CSNK1E: variants seen among roughly 807,000 people sequenced by gnomAD.
CSNK1E encodes casein kinase 1 epsilon, also known as casein kinase I isoform epsilon.
Under a neutral mutation model 46.1 loss-of-function variants are expected in CSNK1E, and 17 were observed. That is an observed-to-expected ratio of 0.37 (90% CI 0.25 to 0.55). The LOEUF (loss-of-function observed/expected upper bound fraction) is 0.55. Among genes scored for constraint, CSNK1E ranks in the 20% least tolerant of loss-of-function variants. CSNK1E has a pLI of 0.82. For synonymous variants in CSNK1E, 241 were observed against 242.6 expected (o/e 0.99, Z 0.06); for missense variants, 386 against 595.4 (o/e 0.65, Z 3.66).
chr22:38,295,315 G>T, intron 7 of CSNK1E: 1 of 594,604 alleles, frequency 1.7e-6, no homozygotes, highest in Non-Finnish European at 2.1e-6. Flanking sequence ...AGCCACTGCC[G>T]CCCCTGGTGC....
chr22:38,315,328 C>G (rs1322495892), intron 1 of CSNK1E, among the ~76,000 whole-genome samples: 2 of 152,254 alleles, frequency 1.3e-5, no homozygotes, highest in African/African-American at 4.8e-5. Context: ...GGACAGTGGG[C>G]AGATCCCAGG....
At chr22:38,306,663 A>G (rs892293195) in intron 2 of CSNK1E, among the ~76,000 whole-genome samples, 4 of 151,790 alleles carry the variant, frequency 2.6e-5, no homozygotes, top group African/African-American at 9.7e-5. Context: ...CCCAGGAGGC[A>G]GAGGTTGCAG....
At chr22:38,316,648 A>G (rs1359424104) in intron 1 of CSNK1E, 1 of 152,202 alleles carries the variant, frequency 6.6e-6, no homozygotes, top group Non-Finnish European at 1.5e-5. Flanking sequence ...TGGCCTGGTG[A>G]CCACACACCT....
intron 1 of CSNK1E, among the ~76,000 whole-genome samples, chr22:38,315,662 C>CA (rs905196571): frequency 2.0e-5 from 3 of 151,458 alleles, no homozygotes; most frequent in East Asian, 1.9e-4. Flanking sequence ...CAACCCCCCC[C>CA]CAACACCTCA....
rs1474798176 is a variant in CSNK1E at position 38,299,927 on chromosome 22, G to A, written c.704C>T (p.Thr235Met). ...GCCTTTGCAGAGGACCTCGATGGGC[G>A]TTGACATCTTCTTCTCGCTGATCCG... Reference protein sequence around the residue: ...YERISEKKMSTPIEVLCKGYP... With the variant: ...YERISEKKMSMPIEVLCKGYP... Residue 235 changes from threonine (T) to methionine (M), a missense_variant, in exon 6 of 11, where the codon ACG becomes ATG. Coordinates refer to ENST00000396832, the MANE Select transcript of CSNK1E (RefSeq NM_152221.3). 5 of 1,614,170 alleles carry A rather than the reference G, an allele frequency of 3.1e-6. No homozygotes were observed. Among genetic ancestry groups the A allele is most frequent in the South Asian group, 2.2e-5 (2 of 91,088 alleles).
rs1447180151 is a variant in CSNK1E, at chr22:38,309,342, C to G, written c.76+4740G>C. Among the ~76,000 whole-genome samples, 5 of 152,180 alleles carry G rather than the reference C, an allele frequency of 3.3e-5. No homozygotes were observed. Among genetic ancestry groups the G allele is most frequent in the Admixed American group, 3.3e-4 (5 of 15,282 alleles). The stretch of plus-strand genomic sequence containing the variant: ...CACTTTGGAGGCAGGGCCTGCAGCA[C>G]TTGGTGATTCGGCAGATGTGTGCAG... On this transcript the variant is annotated intron_variant, in intron 2 of 10. Transcript: ENST00000396832. This position sits in a 1 kb window ranked among gnomAD's most constrained non-coding sequence, Gnocchi z 4.8.
chr22:38,306,600 G>A (rs140228422), intron 2 of CSNK1E, among the ~76,000 whole-genome samples: 241 of 152,202 alleles, frequency 1.6e-3, no homozygotes, highest in African/African-American at 5.6e-3. Context: ...GCGTAGTGGC[G>A]CACGCCTGTA....
In CSNK1E at chr22:38,298,982, T is replaced by C. The variant is rs767802107; in HGVS notation, c.737-48A>G. On this transcript the variant is annotated intron_variant, in intron 6 of 10. Transcript: ENST00000396832. This position sits in a 1 kb window ranked among gnomAD's most constrained non-coding sequence, Gnocchi z 4.2. Reference sequence around the variant, plus strand: ...GAGAAGGCCACTGTGAGGCCCACGCTCCCAGACCCCCTGCAGCCAGCACTG... The same window carrying C: ...GAGAAGGCCACTGTGAGGCCCACGCCCCCAGACCCCCTGCAGCCAGCACTG... 1.2e-6 allele frequency: 2 copies of C among 1,608,746 alleles called. No homozygotes were observed. Among genetic ancestry groups the C allele is most frequent in the South Asian group, 2.2e-5 (2 of 90,886 alleles).
chr22:38,308,159 G>C (rs893290731), intron 2 of CSNK1E, among the ~76,000 whole-genome samples: 2 of 152,116 alleles, frequency 1.3e-5, no homozygotes, highest in African/African-American at 4.8e-5. Context: ...CATACAACGT[G>C]ATTTTTTGTG....
chr22:38,297,190 T>C, intron 7 of CSNK1E: 1 of 775,612 alleles, frequency 1.3e-6, no homozygotes, highest in South Asian at 1.4e-5. Flanking sequence ...GCAGTTGTGC[T>C]GAGCTGGAGG....
At chr22:38,314,695 G>A (rs747089148) in intron 1 of CSNK1E, among the ~76,000 whole-genome samples, 7 of 152,204 alleles carry the variant, frequency 4.6e-5, no homozygotes, top group Admixed American at 4.6e-4. Context: ...GCCCATAGCC[G>A]CTTGGATAAA....
chr22:38,304,984 C>T (rs2092691356), intron 2 of CSNK1E, among the ~76,000 whole-genome samples: 1 of 151,844 alleles, frequency 6.6e-6, no homozygotes, highest in Admixed American at 6.6e-5. Flanking sequence ...TAGCCGGGCG[C>T]AGTGGCAGGC....
rs932872955 is a variant in CSNK1E, at chr22:38,298,619, C to T, written c.885+167G>A. 3.7e-5 allele frequency: 28 copies of T among 748,340 alleles called. 1 individual carries two copies. The Middle Eastern group carries it at 1.2e-3, about 32-fold the overall frequency. 46.4% of individuals were successfully genotyped at this position (748,340 alleles called of 1,614,324 possible). ...CCCATGGTGGCACAAGCTGTCAGCACGGATGAGGCTGGAGGGCTCTGGGAC... is the reference window on the plus strand; with the variant it reads ...CCCATGGTGGCACAAGCTGTCAGCATGGATGAGGCTGGAGGGCTCTGGGAC... On this transcript the variant is annotated intron_variant, in intron 7 of 10. Transcript: ENST00000396832. This position sits in a 1 kb window ranked among gnomAD's most constrained non-coding sequence, Gnocchi z 4.2.
chr22:38,295,238 A>G, intron 7 of CSNK1E: 1 of 163,986 alleles, frequency 6.1e-6, no homozygotes, highest in Non-Finnish European at 1.3e-5. Context: ...CCACGGAGGA[A>G]GAAGAGGCCC....
chr22:38,316,333 C>A (rs182484626), intron 1 of CSNK1E, among the ~76,000 whole-genome samples: 4 of 152,296 alleles, frequency 2.6e-5, no homozygotes, highest in East Asian at 1.9e-4. Context: ...CAAACACAGG[C>A]ATTGCTTGGA....
rs918621356 is a variant in CSNK1E at position 38,298,509 on chromosome 22, T to C, written c.885+277A>G. 4 of 448,522 alleles carry C rather than the reference T, an allele frequency of 8.9e-6. No homozygotes were observed. The highest frequency in any genetic ancestry group is 4.2e-5 in the South Asian group (2 of 47,968). 27.8% of individuals were successfully genotyped at this position (448,522 alleles called of 1,614,324 possible). A position where few individuals can be genotyped will look rare whatever the true frequency, so the allele number is the denominator to read the frequency against. On this transcript the variant is annotated intron_variant, in intron 7 of 10. Coordinates refer to ENST00000396832, the MANE Select transcript of CSNK1E (RefSeq NM_152221.3). This position sits in a 1 kb window ranked among gnomAD's most constrained non-coding sequence, Gnocchi z 4.2. ...GGCGCCGCCAGCACCACCCATGCCC[T>C]GCTGCGGGCACCCAGGAGGGACCCC...
At chr22:38,297,264 A>G (rs1003153780) in intron 7 of CSNK1E, 20 of 671,560 alleles carry the variant, frequency 3.0e-5, no homozygotes, top group African/African-American at 2.7e-4. Context: ...CCAGTGCCCA[A>G]TGCCCTGTGG....
At chr22:38,302,820 C>A (rs776043145) in intron 4 of CSNK1E, 41 bp downstream of exon 4, 2 of 1,610,170 alleles carry the variant, frequency 1.2e-6, no homozygotes, top group African/African-American at 2.7e-5. Flanking sequence ...TATCCTGGGC[C>A]CACAGGCATC....
rs2145835400 is a variant in CSNK1E, at chr22:38,300,379, G to C, written c.566-314C>G. Among the ~76,000 whole-genome samples the C allele has an allele frequency of 6.6e-6, 1 of 152,338 alleles. No individual in the cohort carries two copies. The highest frequency in any genetic ancestry group is 1.9e-4 in the East Asian group (1 of 5,188). On this transcript the variant is annotated intron_variant, in intron 5 of 10. Transcript: ENST00000396832. This position sits in a 1 kb window ranked among gnomAD's most constrained non-coding sequence, Gnocchi z 4.4. ...GGAGAGGTCACAAGCTTCAGCATCA[G>C]ACAGGGCCGGGGTCAAGTCCAGCTT...
Sources: gnomAD v4.1 joint callset for allele counts (sites outside exome capture counted in the v4.1 genomes callset) on GRCh38, gnomAD v4.1.1 for gene constraint, Gnocchi (gnomAD v3.1) non-coding constraint, MANE v1.5 for transcripts, NCBI Gene and HGNC (gene_info 2026-07-23, HGNC 2026-07-21) for gene names.